CCDC93: variants seen among roughly 807,000 people sequenced by gnomAD.
The protein encoded by CCDC93 is CCC complex scaffolding subunit CCDC93.
In CCDC93, 61 loss-of-function variants were observed where a neutral mutation model predicts 108.2. The observed-to-expected ratio is 0.56, with a 90% CI of 0.46 to 0.70. The LOEUF (loss-of-function observed/expected upper bound fraction) is 0.70. Ranked by LOEUF, CCDC93 falls within the 30% of genes least tolerant of loss-of-function variation. The probability of loss-of-function intolerance (pLI) is 0.00; values close to 1 mark genes in which losing one functional copy is unlikely to be tolerated. For synonymous variants in CCDC93, 276 were observed against 260.4 expected (o/e 1.06, Z -0.58); for missense variants, 685 against 764.2 (o/e 0.90, Z 1.22).
chr2:117,941,429 G>C (rs1341711330), intron 18 of CCDC93, 132 bp from the exon 19 acceptor site: 1 of 658,074 alleles, frequency 1.5e-6, no homozygotes, highest in African/African-American at 1.8e-5. Flanking sequence ...ACAAACTCCT[G>C]CCATGGGCTT....
chr2:117,937,240 T>G (rs2104723635), intron 20 of CCDC93, among the ~76,000 whole-genome samples: 1 of 152,292 alleles, frequency 6.6e-6, no homozygotes, highest in Admixed American at 6.5e-5. Context: ...TCCAAGGGGA[T>G]GCACTGTTCA....
chr2:117,951,480 C>T lies in CCDC93; in HGVS notation c.1068+893G>A, dbSNP rs147023955. The T allele has an allele frequency of 8.2e-4, 810 of 987,440 alleles. 7 individuals carry two copies. The African/African-American group carries it at 0.013, about 16-fold the overall frequency. The allele number at this position is 987,440 out of a possible 1,614,324, so 61.2% of individuals were successfully genotyped here. ...AGGTGGCAAATTAAGTGCTACATAT[C>T]GCTACAGAGTAAGAATTTTAAATTG... On this transcript the variant is annotated intron_variant, in intron 13 of 23. Transcript: ENST00000376300.
Position 117,978,007 on chromosome 2 carries a change from C to A in CCDC93, c.644G>T (p.Ser215Ile). ...YGRRYGFSRQSKMEKAEDKKT... is the reference protein window; with the variant it reads ...YGRRYGFSRQIKMEKAEDKKT... ...TGTTTTTCTTACCTTCTCCATTTTG[C>A]TCTGGCGGCTAAATCCATATCTCCT... Residue 215 changes from serine (S) to isoleucine (I), a missense_variant, in exon 8 of 24, where the codon AGC becomes ATC. By Grantham distance (142) the Ser-to-Ile change is moderately radical (BLOSUM62 -2). Transcript: ENST00000376300. The A allele has an allele frequency of 6.2e-7, 1 of 1,613,912 alleles. No homozygotes were observed. Among genetic ancestry groups the A allele is most frequent in the Non-Finnish European group, 8.5e-7 (1 of 1,179,810 alleles).
At chr2:117,943,882 C>T in intron 18 of CCDC93, 142 bp downstream of exon 18, 1 of 545,868 alleles carries the variant, frequency 1.8e-6, no homozygotes, top group Non-Finnish European at 3.2e-6. Flanking sequence ...AGTTACACTC[C>T]AGATAGAAAG....
At chr2:117,920,861 C>T (rs1319583182) in intron 23 of CCDC93, among the ~76,000 whole-genome samples, 2 of 152,122 alleles carry the variant, frequency 1.3e-5, no homozygotes, top group African/African-American at 4.8e-5. Context: ...CTTTAAGAAA[C>T]TCAGAAAATA....
intron 23 of CCDC93, among the ~76,000 whole-genome samples, chr2:117,930,319 TA>T (rs1678284052): frequency 6.6e-6 from 1 of 152,130 alleles, no homozygotes; most frequent in Non-Finnish European, 1.5e-5. Context: ...AGGAATTCCT[TA>T]AAATAAAGCT....
intron 7 of CCDC93, among the ~76,000 whole-genome samples, chr2:117,982,841 A>AG (rs748494717): frequency 1.3e-5 from 2 of 152,072 alleles, no homozygotes; most frequent in Non-Finnish European, 2.9e-5. Context: ...CAGGGCCAGC[A>AG]GGGGGCCAGC....
chr2:117,993,392 TCAA>T (rs1680544888), intron 6 of CCDC93, among the ~76,000 whole-genome samples: 1 of 105,618 alleles, frequency 9.5e-6, no homozygotes, highest in Non-Finnish European at 1.9e-5. Flanking sequence ...AGACTCCGTC[TCAA>T]AAAAAAAAAA....
intron 12 of CCDC93, among the ~76,000 whole-genome samples, chr2:117,957,503 T>C (rs1257660331): frequency 6.6e-6 from 1 of 152,186 alleles, no homozygotes; most frequent in Non-Finnish European, 1.5e-5. Flanking sequence ...TGTCCCTGAA[T>C]TCCTTCTCAC....
At position 117,920,335 on chromosome 2, in the gene CCDC93, G is replaced by A. The variant is rs767801985; in HGVS notation, c.*8C>T. 2.4e-5 allele frequency: 39 copies of A among 1,607,356 alleles called. No individual in the cohort carries two copies. The highest frequency in any genetic ancestry group is 3.3e-5 in the Admixed American group (2 of 59,860). On this transcript the variant is annotated 3_prime_UTR_variant, in exon 24 of 24. Coordinates refer to ENST00000376300, the MANE Select transcript of CCDC93 (RefSeq NM_019044.5). The stretch of plus-strand genomic sequence containing the variant: ...AAATCAATGACATACAGCCACGGCT[G>A]GGGATGTTCAGGAGGCCTTCGCTTT...
chr2:117,960,582 T>TA (rs1352166832), intron 11 of CCDC93, among the ~76,000 whole-genome samples: 1 of 152,228 alleles, frequency 6.6e-6, no homozygotes, highest in Non-Finnish European at 1.5e-5. Flanking sequence ...GTGGCACACA[T>TA]ACAGCTTTGT....
At chr2:117,978,431 T>TA (rs1310742491) in intron 7 of CCDC93, among the ~76,000 whole-genome samples, 10 of 152,322 alleles carry the variant, frequency 6.6e-5, no homozygotes, top group Admixed American at 4.6e-4. Context: ...TTCCATAACT[T>TA]AGAGTCTAGC....
chr2:118,007,485 C>T (rs925450357), intron 2 of CCDC93, among the ~76,000 whole-genome samples: 7 of 152,168 alleles, frequency 4.6e-5, no homozygotes, highest in East Asian at 1.9e-4. Flanking sequence ...GCCTGGCCAA[C>T]GCAGTGAAAC....
At chr2:117,997,099 G>A (rs78327753) in intron 4 of CCDC93, 11,434 of 152,252 alleles carry the variant, frequency 0.075, 522 homozygotes, top group South Asian at 0.15. Flanking sequence ...ATTCTACACC[G>A]AAGACTGGAC....
At chr2:117,994,094 T>C (rs952745563) in intron 6 of CCDC93, among the ~76,000 whole-genome samples, 1 of 152,188 alleles carries the variant, frequency 6.6e-6, no homozygotes, top group Admixed American at 6.5e-5. Context: ...ACCACAAAAT[T>C]ATCTTTAAAG....
intron 11 of CCDC93, among the ~76,000 whole-genome samples, chr2:117,971,320 A>ACCAAGG (rs1679753621): frequency 6.6e-6 from 1 of 152,238 alleles, no homozygotes; most frequent in Non-Finnish European, 1.5e-5. Flanking sequence ...CTGAGATTGT[A>ACCAAGG]CTACTGCACT....
At chr2:118,003,563 A>G (rs539468032) in intron 3 of CCDC93, among the ~76,000 whole-genome samples, 5 of 152,240 alleles carry the variant, frequency 3.3e-5, no homozygotes, top group Middle Eastern at 3.4e-3. Flanking sequence ...AGAGTTACCA[A>G]TTGCCTAGAA....
intron 11 of CCDC93, among the ~76,000 whole-genome samples, chr2:117,970,216 TA>T (rs1679718942): frequency 6.6e-6 from 1 of 152,186 alleles, no homozygotes; most frequent in Non-Finnish European, 1.5e-5. Flanking sequence ...AGTTTAGCTA[TA>T]AGACATAAAA....
intron 11 of CCDC93, 29 bp from the exon 12 acceptor site, chr2:117,958,510 A>T: frequency 7.7e-7 from 1 of 1,293,002 alleles, no homozygotes; most frequent in Non-Finnish European, 1.1e-6. Context: ...GCAAATCCAA[A>T]GGATTTAGTT....
Sources: allele counts gnomAD v4.1 joint callset (sites outside exome capture counted in the v4.1 genomes callset), GRCh38; gene constraint gnomAD v4.1.1; transcripts MANE v1.5; gene names NCBI Gene and HGNC (gene_info 2026-07-23, HGNC 2026-07-21).